The following CAST variants were observed in gnomAD, a reference collection of about 807,000 sequenced individuals.
The protein encoded by CAST is calpastatin, also known as MIR583 host.
A neutral mutation model predicts 119.6 loss-of-function variants in CAST; 76 were observed. That is an observed-to-expected ratio of 0.64 (90% CI 0.53 to 0.77). The LOEUF (loss-of-function observed/expected upper bound fraction) is 0.77. Ranked by LOEUF, CAST falls within the 30% of genes least tolerant of loss-of-function variation. The pLI is 0.00. For synonymous variants in CAST, 319 were observed against 331.6 expected (o/e 0.96, Z 0.41); for missense variants, 953 against 946.5 (o/e 1.01, Z -0.09).
chr5:96,155,537 T>G, the CAST span, among the ~76,000 whole-genome samples: 1 of 152,186 alleles, frequency 6.6e-6, no homozygotes, highest in Non-Finnish European at 1.5e-5. Flanking sequence ...ACTCTTACAT[T>G]GGTATTAGTT....
At chr5:96,108,336 T>C in the CAST span, among the ~76,000 whole-genome samples, 4 of 152,248 alleles carry the variant, frequency 2.6e-5, no homozygotes, top group African/African-American at 9.6e-5. Flanking sequence ...TGCTCTGTTT[T>C]TTCCCCATCT....
chr5:96,438,551 A>G, the CAST span, among the ~76,000 whole-genome samples: 1 of 152,018 alleles, frequency 6.6e-6, no homozygotes, highest in East Asian at 1.9e-4. Context: ...CAGTTATTTT[A>G]TATTATGGTC....
the CAST span, among the ~76,000 whole-genome samples, chr5:96,081,157 A>G: frequency 6.6e-6 from 1 of 152,190 alleles, no homozygotes; most frequent in African/African-American, 2.4e-5. Flanking sequence ...TTGAGTTGAC[A>G]CTGTGGATTC....
the CAST span, among the ~76,000 whole-genome samples, chr5:96,344,718 A>C: frequency 8.6e-3 from 1,304 of 152,296 alleles, 12 homozygotes; most frequent in Non-Finnish European, 0.013. Context: ...CTTGGGAGAA[A>C]TGGAACAAGT....
the CAST span, among the ~76,000 whole-genome samples, chr5:96,291,512 A>G: frequency 6.6e-6 from 1 of 152,066 alleles, no homozygotes; most frequent in Non-Finnish European, 1.5e-5. Context: ...ATGTCAAATG[A>G]CCAATAACTT....
At chr5:96,285,290 G>A in the CAST span, among the ~76,000 whole-genome samples, 6 of 152,150 alleles carry the variant, frequency 3.9e-5, no homozygotes, top group East Asian at 1.9e-4. Context: ...AAAGGTATAC[G>A]TCACGTGTTG....
At chr5:96,504,904 G>T in the CAST span, among the ~76,000 whole-genome samples, 1 of 152,172 alleles carries the variant, frequency 6.6e-6, no homozygotes, top group Admixed American at 6.5e-5. Flanking sequence ...TGTTTTTGAG[G>T]TTCATTCACG....
the CAST span, chr5:96,400,170 G>A: frequency 9.3e-6 from 15 of 1,613,098 alleles, no homozygotes; most frequent in Non-Finnish European, 1.3e-5. Context: ...TGCATATCTC[G>A]CCAGGTGAGA....
intron 1 of CAST, among the ~76,000 whole-genome samples, chr5:96,616,968 C>T (rs181981370): frequency 2.4e-3 from 369 of 152,152 alleles, no homozygotes; most frequent in African/African-American, 8.4e-3. Flanking sequence ...AGCTTTCAGC[C>T]GCACTTCCCT....
At chr5:96,423,714 A>G in the CAST span, among the ~76,000 whole-genome samples, 1 of 152,188 alleles carries the variant, frequency 6.6e-6, no homozygotes, top group Non-Finnish European at 1.5e-5. Context: ...CTTCTCTTTG[A>G]ACTACATGGC....
chr5:96,446,305 A>G, the CAST span, among the ~76,000 whole-genome samples: 1 of 152,052 alleles, frequency 6.6e-6, no homozygotes, highest in Admixed American at 6.6e-5. Context: ...TACAAGAACT[A>G]TTTTTTCATA....
intron 9 of CAST, among the ~76,000 whole-genome samples, chr5:96,735,391 A>G (rs1174927146): frequency 6.6e-6 from 1 of 152,206 alleles, no homozygotes; most frequent in Non-Finnish European, 1.5e-5. Context: ...TCTTAAACCC[A>G]ACAACTTCAC....
the CAST span, among the ~76,000 whole-genome samples, chr5:95,994,034 G>T: frequency 6.6e-6 from 1 of 152,110 alleles, no homozygotes; most frequent in Admixed American, 6.6e-5. Flanking sequence ...CATTGACAAA[G>T]ATGTGGGGCA....
chr5:95,998,186 C>T, the CAST span, among the ~76,000 whole-genome samples: 1 of 151,470 alleles, frequency 6.6e-6, no homozygotes, highest in East Asian at 1.9e-4. Flanking sequence ...TTAAAGTGTA[C>T]ATTTTTTGGT....
At chr5:96,210,843 AT>A in the CAST span, among the ~76,000 whole-genome samples, 5 of 151,756 alleles carry the variant, frequency 3.3e-5, no homozygotes, top group Non-Finnish European at 5.9e-5. Flanking sequence ...GATTTTTTTT[AT>A]TTCCTTCATC....
At chr5:96,522,115 CAA>C (rs113441232), upstream of CAST, among the ~76,000 whole-genome samples, 9 of 133,904 alleles carry the variant, frequency 6.7e-5, no homozygotes, top group Admixed American at 1.5e-4. Flanking sequence ...GACTCTGTCT[CAA>C]AAAAAAAAAA....
chr5:96,435,172 G>C, the CAST span, among the ~76,000 whole-genome samples: 1 of 152,240 alleles, frequency 6.6e-6, no homozygotes, highest in Non-Finnish European at 1.5e-5. Context: ...AGATGTGTCA[G>C]AGGAGGAACA....
chr5:96,045,458 C>A, the CAST span, among the ~76,000 whole-genome samples: 2 of 150,496 alleles, frequency 1.3e-5, no homozygotes, highest in Non-Finnish European at 3.0e-5. Flanking sequence ...ACTTTTTTTT[C>A]TTTGAAAAAA....
intron 1 of CAST, among the ~76,000 whole-genome samples, chr5:96,607,592 A>G (rs1466259630): frequency 9.1e-6 from 1 of 109,608 alleles, no homozygotes; most frequent in Admixed American, 9.2e-5. Flanking sequence ...GCATGAATGT[A>G]TGTTCTTTCA....
Sources: gnomAD v4.1 joint callset for allele counts (sites outside exome capture counted in the v4.1 genomes callset) on GRCh38, gnomAD v4.1.1 for gene constraint, MANE v1.5 for transcripts, NCBI Gene and HGNC (gene_info 2026-07-23, HGNC 2026-07-21) for gene names.